TMEM135: variants seen among roughly 807,000 people sequenced by gnomAD.
TMEM135 encodes the protein transmembrane protein 135.
Under a neutral mutation model 60.3 loss-of-function variants are expected in TMEM135, and 30 were observed. That is an observed-to-expected ratio of 0.50 (90% CI 0.37 to 0.68). The LOEUF (loss-of-function observed/expected upper bound fraction) is 0.68. Ranked by LOEUF, TMEM135 falls within the 30% of genes least tolerant of loss-of-function variation. The pLI is 0.00. For missense variants in TMEM135, 468 were observed against 548.8 expected, an observed-to-expected ratio of 0.85 and a Z score of 1.47; for synonymous variants, 190 against 186.7, an observed-to-expected ratio of 1.02 and a Z score of -0.14.
intron 4 of TMEM135, among the ~76,000 whole-genome samples, chr11:87,106,305 T>C (rs561389719): frequency 6.6e-6 from 1 of 152,252 alleles, no homozygotes; most frequent in East Asian, 1.9e-4. Flanking sequence ...GGTTTCACCA[T>C]GTTGGCCAGG....
At chr11:87,182,667 T>A (rs1176082821) in intron 5 of TMEM135, among the ~76,000 whole-genome samples, 1 of 152,190 alleles carries the variant, frequency 6.6e-6, no homozygotes, top group Non-Finnish European at 1.5e-5. Context: ...TCATGGAAGA[T>A]CAGATTTCCT....
At chr11:87,298,653 G>A (rs1054265970) in intron 7 of TMEM135, among the ~76,000 whole-genome samples, 3 of 151,780 alleles carry the variant, frequency 2.0e-5, no homozygotes, top group Non-Finnish European at 4.4e-5. Context: ...CAGGCATGGT[G>A]GTGGGCATCT....
chr11:87,241,892 A>G (rs1026280370), intron 6 of TMEM135, among the ~76,000 whole-genome samples: 2 of 151,902 alleles, frequency 1.3e-5, no homozygotes, highest in East Asian at 1.9e-4. Context: ...TTTAGGGTAC[A>G]TGTGCACAAT....
intron 5 of TMEM135, among the ~76,000 whole-genome samples, chr11:87,212,219 T>C (rs1940387193): frequency 6.6e-6 from 1 of 150,496 alleles, no homozygotes; most frequent in African/African-American, 2.4e-5. Context: ...TCTCTTTTAG[T>C]TTTCTACCCC....
intron 6 of TMEM135, among the ~76,000 whole-genome samples, chr11:87,276,134 A>G (rs1331673548): frequency 2.0e-5 from 3 of 152,204 alleles, no homozygotes; most frequent in Non-Finnish European, 4.4e-5. Context: ...ATAAAATTAT[A>G]AAGACTGGAC....
At chr11:87,157,255 G>A (rs1461448336) in intron 4 of TMEM135, 86 bp from the exon 5 acceptor site, 10 of 1,252,344 alleles carry the variant, frequency 8.0e-6, no homozygotes, top group Non-Finnish European at 9.3e-6. Flanking sequence ...AGTATTGAAT[G>A]TTTTTCACAT....
At chr11:87,075,867 A>G (rs1197650426) in intron 3 of TMEM135, among the ~76,000 whole-genome samples, 1 of 141,842 alleles carries the variant, frequency 7.1e-6, no homozygotes, top group African/African-American at 2.7e-5. Context: ...CTTTTCCCTT[A>G]CTTTCTCCTA....
chr11:87,305,328 G>A (rs1942520212), intron 8 of TMEM135, among the ~76,000 whole-genome samples: 1 of 152,048 alleles, frequency 6.6e-6, no homozygotes, highest in Non-Finnish European at 1.5e-5. Context: ...ACAAATAACA[G>A]TGTGGTTTCT....
chr11:87,240,967 A>G (rs1021480037), intron 6 of TMEM135, among the ~76,000 whole-genome samples: 5 of 152,238 alleles, frequency 3.3e-5, no homozygotes, highest in African/African-American at 7.2e-5. Context: ...TGATGTCAAC[A>G]TTGTGCAGCA....
At chr11:87,270,688 T>C (rs1941846732) in intron 6 of TMEM135, among the ~76,000 whole-genome samples, 1 of 152,178 alleles carries the variant, frequency 6.6e-6, no homozygotes, top group Non-Finnish European at 1.5e-5. Flanking sequence ...TCTCCTGTAC[T>C]CCAGAGCACA....
At chr11:87,075,807 C>T (rs1186515182) in intron 3 of TMEM135, among the ~76,000 whole-genome samples, 1 of 152,096 alleles carries the variant, frequency 6.6e-6, no homozygotes, top group Non-Finnish European at 1.5e-5. Context: ...CCTTGGTGGT[C>T]TTGTATAAGA....
intron 6 of TMEM135, among the ~76,000 whole-genome samples, chr11:87,251,694 T>A (rs931739168): frequency 6.6e-6 from 1 of 152,156 alleles, no homozygotes; most frequent in Non-Finnish European, 1.5e-5. Flanking sequence ...ATATTTCCTA[T>A]TCTAATTTAT....
Position 87,070,490 on chromosome 11 carries a change from C to T in TMEM135, c.270-1033C>T, listed in dbSNP as rs180758259. Among the ~76,000 whole-genome samples the T allele has an allele frequency of 6.2e-4, 94 of 152,046 alleles. 1 individual carries two copies. Among genetic ancestry groups the T allele is most frequent in the South Asian group, 5.6e-3 (27 of 4,804 alleles). Reference sequence around the variant, plus strand: ...TCTACTAAAAATACAAAAAATTAGCCGGGCGTGGTGGCAAGCGCCTGTAAT... The same window carrying T: ...TCTACTAAAAATACAAAAAATTAGCTGGGCGTGGTGGCAAGCGCCTGTAAT... On this transcript the variant is annotated intron_variant, in intron 2 of 14. Coordinates refer to ENST00000305494, the MANE Select transcript of TMEM135 (RefSeq NM_022918.4).
chr11:87,121,950 C>T (rs1937604424), intron 4 of TMEM135, among the ~76,000 whole-genome samples: 1 of 152,018 alleles, frequency 6.6e-6, no homozygotes, highest in African/African-American at 2.4e-5. Context: ...TGAATGTCAT[C>T]TTAAGGGTAG....
chr11:87,239,393 T>G (rs1385951884), intron 6 of TMEM135, among the ~76,000 whole-genome samples: 1 of 152,074 alleles, frequency 6.6e-6, no homozygotes, highest in African/African-American at 2.4e-5. Flanking sequence ...AAAACAATAT[T>G]AGATTTGTCT....
At chr11:87,236,221 A>G (rs1033650312) in intron 5 of TMEM135, among the ~76,000 whole-genome samples, 2 of 151,892 alleles carry the variant, frequency 1.3e-5, no homozygotes, top group African/African-American at 2.4e-5. Flanking sequence ...ATAGTTACAT[A>G]TAAGTATTGC....
rs1414339847 is a variant in TMEM135, at chr11:87,326,583, C to T, written c.*5250C>T. 3 of 453,964 alleles carry T rather than the reference C, an allele frequency of 6.6e-6. No homozygotes were observed. Among genetic ancestry groups the T allele is most frequent in the African/African-American group, 6.0e-5 (3 of 49,986 alleles). 28.1% of individuals were successfully genotyped at this position (453,964 alleles called of 1,614,324 possible). On this transcript the variant is annotated 3_prime_UTR_variant, in exon 15 of 15. Coordinates refer to ENST00000305494, the MANE Select transcript of TMEM135 (RefSeq NM_022918.4). ...GGAATGGGAGAGAAGAGACTATAAACATATTTTAAGCCTTATCTCTTTTCT... is the reference window on the plus strand; with the variant it reads ...GGAATGGGAGAGAAGAGACTATAAATATATTTTAAGCCTTATCTCTTTTCT...
chr11:87,169,419 T>A lies in TMEM135; in HGVS notation c.462+12013T>A, dbSNP rs529945283. Among the ~76,000 whole-genome samples the A allele has an allele frequency of 2.6e-5, 4 of 152,038 alleles. No homozygotes were observed. The South Asian group carries it at 8.3e-4, about 32-fold the overall frequency. ...TGTCGATGGTCTTTATAATTTGGTATGTTTTTGCAGTGGCTGGTACTGGTT... is the reference window on the plus strand; with the variant it reads ...TGTCGATGGTCTTTATAATTTGGTAAGTTTTTGCAGTGGCTGGTACTGGTT... On this transcript the variant is annotated intron_variant, in intron 5 of 14. Coordinates refer to ENST00000305494, the MANE Select transcript of TMEM135 (RefSeq NM_022918.4).
chr11:87,319,256 C>A, intron 13 of TMEM135, 54 bp from the exon 14 acceptor site: 1 of 1,385,398 alleles, frequency 7.2e-7, no homozygotes, highest in Non-Finnish European at 1.0e-6. Context: ...TGTATTTCAT[C>A]ACTTTCAGTT....
Sources: gnomAD v4.1 joint callset for allele counts (sites outside exome capture counted in the v4.1 genomes callset) on GRCh38, gnomAD v4.1.1 for gene constraint, MANE v1.5 for transcripts, NCBI Gene and HGNC (gene_info 2026-07-23, HGNC 2026-07-21) for gene names.